The following TBC1D5 variants were observed in gnomAD, a reference collection of about 807,000 sequenced individuals.
The protein encoded by TBC1D5 is TBC1 domain family, member 5.
A neutral mutation model predicts 100.3 loss-of-function variants in TBC1D5; 75 were observed. The ratio of observed to expected loss-of-function variants is 0.75; its 90% CI spans 0.62 to 0.91. The LOEUF (loss-of-function observed/expected upper bound fraction) is 0.91. Ranked by LOEUF, TBC1D5 falls within the 40% of genes least tolerant of loss-of-function variation. TBC1D5 has a pLI of 0.00. For synonymous variants in TBC1D5, 323 were observed against 325.6 expected, an observed-to-expected ratio of 0.99 and a Z score of 0.09; for missense variants, 910 against 942.4, an observed-to-expected ratio of 0.97 and a Z score of 0.45.
intron 1 of TBC1D5, among the ~76,000 whole-genome samples, chr3:17,692,367 C>T (rs1267955224): frequency 1.3e-5 from 2 of 152,166 alleles, no homozygotes; most frequent in African/African-American, 4.8e-5. Flanking sequence ...GCTGGGATTA[C>T]AGGTATGAGT....
At chr3:17,190,478 AC>A in intron 18 of TBC1D5, among the ~76,000 whole-genome samples, 1 of 152,236 alleles carries the variant, frequency 6.6e-6, no homozygotes, top group Non-Finnish European at 1.5e-5. Context: ...AAAGTATGGC[AC>A]CTAGGCAACC....
At chr3:17,637,188 ATTTTTTTTTTTT>A (rs1186523023) in intron 1 of TBC1D5, among the ~76,000 whole-genome samples, 9 of 95,482 alleles carry the variant, frequency 9.4e-5, no homozygotes, top group East Asian at 3.2e-4. Flanking sequence ...TGCCCGACTA[ATTTTTTTTTTTT>A]TTTTTTTTTT....
chr3:17,594,779 A>T (rs972086624), intron 2 of TBC1D5, among the ~76,000 whole-genome samples: 1 of 152,150 alleles, frequency 6.6e-6, no homozygotes, highest in Non-Finnish European at 1.5e-5. Flanking sequence ...CCTTATTATC[A>T]TCTTTATTTA....
At position 17,480,696 on chromosome 3, in the gene TBC1D5, T is replaced by C. The variant is rs149709606; in HGVS notation, c.97+27778A>G. 8.1e-4 allele frequency among the ~76,000 whole-genome samples: 124 copies of C among 152,222 alleles called. No individual in the cohort carries two copies. In the East Asian group the frequency reaches 0.018, roughly 23 times the overall value. On this transcript the variant is annotated intron_variant, in intron 3 of 21. Coordinates refer to ENST00000253692, the Ensembl canonical transcript of TBC1D5. Reference sequence around the variant, plus strand: ...CTCTCCACTGAGAGCTGGAGACTCATTGGGACTACCTGCCTTCAGAAAGGA... The same window carrying C: ...CTCTCCACTGAGAGCTGGAGACTCACTGGGACTACCTGCCTTCAGAAAGGA...
intron 2 of TBC1D5, among the ~76,000 whole-genome samples, chr3:17,537,998 A>G (rs2096301461): frequency 1.3e-5 from 2 of 152,178 alleles, no homozygotes; most frequent in Non-Finnish European, 2.9e-5. Context: ...CACATCAATC[A>G]ATACATGTAA....
chr3:17,577,071 T>C (rs1327194810), intron 2 of TBC1D5, among the ~76,000 whole-genome samples: 1 of 151,922 alleles, frequency 6.6e-6, no homozygotes, highest in Admixed American at 6.6e-5. Context: ...GTAAGTATTA[T>C]AAAGTCAAGA....
intron 13 of TBC1D5, among the ~76,000 whole-genome samples, chr3:17,352,452 A>G (rs534365406): frequency 6.6e-6 from 1 of 151,880 alleles, no homozygotes; most frequent in East Asian, 1.9e-4. Context: ...AGAGAAATAA[A>G]TTTTTTAAAA....
chr3:17,329,979 T>G (rs538673570), intron 13 of TBC1D5, among the ~76,000 whole-genome samples: 1 of 152,218 alleles, frequency 6.6e-6, no homozygotes, highest in Non-Finnish European at 1.5e-5. Flanking sequence ...TACATATTGC[T>G]GCTCCTCAAA....
intron 16 of TBC1D5, among the ~76,000 whole-genome samples, chr3:17,254,146 A>G (rs1472144061): frequency 1.3e-5 from 2 of 152,224 alleles, no homozygotes; most frequent in African/African-American, 4.8e-5. Context: ...TTGGGGTATT[A>G]TGAATAAGGC....
intron 3 of TBC1D5, among the ~76,000 whole-genome samples, chr3:17,476,466 A>G (rs1405599317): frequency 6.6e-6 from 1 of 151,920 alleles, no homozygotes; most frequent in Non-Finnish European, 1.5e-5. Flanking sequence ...GTTTGAGTCT[A>G]TCTGTCTATC....
At chr3:17,694,221 G>C (rs1243843729) in intron 1 of TBC1D5, among the ~76,000 whole-genome samples, 1 of 152,194 alleles carries the variant, frequency 6.6e-6, no homozygotes, top group Admixed American at 6.5e-5. Flanking sequence ...GCCAGCAATG[G>C]AATAAAGCTG....
chr3:17,223,182 T>G (rs920757660), intron 17 of TBC1D5, among the ~76,000 whole-genome samples: 3 of 152,164 alleles, frequency 2.0e-5, no homozygotes, highest in Admixed American at 2.0e-4. Context: ...TTTCCAGGTT[T>G]GTATAAATCA....
rs368169441 is a variant in TBC1D5, at chr3:17,264,800, G to A, written c.1246-6209C>T. ...GAACTAAGTTCCCAGCACAATACCA[G>A]GCACTTGATAAGAACTCAATGAAAT... is the stretch of plus-strand genomic sequence containing the variant. On this transcript the variant is annotated intron_variant, in intron 15 of 21. Coordinates refer to ENST00000253692, the Ensembl canonical transcript of TBC1D5. Among the ~76,000 whole-genome samples the A allele has an allele frequency of 4.3e-4, 66 of 152,256 alleles. 1 individual carries two copies. The East Asian group carries it at 9.6e-3, about 22-fold the overall frequency.
chr3:17,347,837 A>C (rs1229086303), intron 13 of TBC1D5, among the ~76,000 whole-genome samples: 1 of 152,168 alleles, frequency 6.6e-6, no homozygotes, highest in African/African-American at 2.4e-5. Flanking sequence ...CATCTCTAAA[A>C]AACAACAACA....
chr3:17,593,444 G>A (rs1430890763), intron 2 of TBC1D5, among the ~76,000 whole-genome samples: 3 of 152,152 alleles, frequency 2.0e-5, no homozygotes, highest in Non-Finnish European at 4.4e-5. Flanking sequence ...CCAACACTGA[G>A]CCCTCGATAT....
At chr3:17,651,372 TAA>T (rs1353523446) in intron 1 of TBC1D5, among the ~76,000 whole-genome samples, 3 of 152,212 alleles carry the variant, frequency 2.0e-5, no homozygotes, top group African/African-American at 7.2e-5. Flanking sequence ...GTATCTAACA[TAA>T]GTTACATCAT....
chr3:17,226,400 A>C (rs1385041460), intron 17 of TBC1D5, among the ~76,000 whole-genome samples: 1 of 151,556 alleles, frequency 6.6e-6, no homozygotes, highest in Non-Finnish European at 1.5e-5. Flanking sequence ...ACATTCTAAA[A>C]TACGCTGCTG....
chr3:17,494,074 T>C (rs1000154654), intron 3 of TBC1D5, among the ~76,000 whole-genome samples: 7 of 152,222 alleles, frequency 4.6e-5, no homozygotes, highest in African/African-American at 9.6e-5. Flanking sequence ...CTTCAATCTT[T>C]GAGGCTGTTG....
At chr3:17,248,973 C>T (rs2470585) in intron 16 of TBC1D5, among the ~76,000 whole-genome samples, 119,362 of 152,158 alleles carry the variant, frequency 0.78, 47,849 homozygotes, top group African/African-American at 0.95. Context: ...ACAACTTCTT[C>T]CCTTAAATCT....
Sources: allele counts gnomAD v4.1 joint callset (sites outside exome capture counted in the v4.1 genomes callset), GRCh38; gene constraint gnomAD v4.1.1; transcripts MANE v1.5; gene names NCBI Gene and HGNC (gene_info 2026-07-23, HGNC 2026-07-21).